TANGO6: variants seen among roughly 807,000 people sequenced by gnomAD.
The protein encoded by TANGO6 is transport and Golgi organization protein 6 homolog.
A neutral mutation model predicts 114.2 loss-of-function variants in TANGO6; 90 were observed. The ratio of observed to expected loss-of-function variants is 0.79; its 90% confidence interval spans 0.66 to 0.94. TANGO6 has a LOEUF of 0.94. TANGO6 is among the 40% of genes least tolerant of loss of function. TANGO6 has a pLI of 0.00. For missense variants in TANGO6, 1,274 were observed against 1,315.3 expected (o/e 0.97, Z 0.49); for synonymous variants, 477 against 509.8 (o/e 0.94, Z 0.87).
chr16:69,061,428 G>A (rs1201711790), intron 17 of TANGO6, among the ~76,000 whole-genome samples: 1 of 152,058 alleles, frequency 6.6e-6, no homozygotes, highest in Non-Finnish European at 1.5e-5. Flanking sequence ...GCGGGGTGTG[G>A]TGGCATGCAC....
At chr16:68,905,684 C>T (rs1322457690) in intron 9 of TANGO6, among the ~76,000 whole-genome samples, 2 of 152,074 alleles carry the variant, frequency 1.3e-5, no homozygotes, top group African/African-American at 4.8e-5. Flanking sequence ...CCAGCCTGGG[C>T]AATGTGGCAA....
At chr16:68,890,973 C>T (rs922207386) in intron 7 of TANGO6, among the ~76,000 whole-genome samples, 7 of 149,956 alleles carry the variant, frequency 4.7e-5, no homozygotes, top group African/African-American at 1.2e-4. Flanking sequence ...TGCAGGGAGC[C>T]GAGATTGCAC....
chr16:69,060,790 G>A (rs1960102954), intron 17 of TANGO6, among the ~76,000 whole-genome samples: 2 of 151,476 alleles, frequency 1.3e-5, no homozygotes, highest in Non-Finnish European at 2.9e-5. Flanking sequence ...TCACGAGATC[G>A]AGACCATCCT....
At chr16:68,857,712 C>G (rs1385640368) in intron 1 of TANGO6, among the ~76,000 whole-genome samples, 5 of 152,172 alleles carry the variant, frequency 3.3e-5, no homozygotes, top group African/African-American at 1.2e-4. Flanking sequence ...TTTGGCCATT[C>G]TAATAGGTAT....
At chr16:69,007,417 G>A (rs541413760) in intron 15 of TANGO6, among the ~76,000 whole-genome samples, 10 of 151,718 alleles carry the variant, frequency 6.6e-5, no homozygotes, top group Admixed American at 4.6e-4. Flanking sequence ...CTACAGGCAC[G>A]TGCCACCACA....
At chr16:68,960,544 C>T (rs1228262428) in intron 14 of TANGO6, among the ~76,000 whole-genome samples, 1 of 151,646 alleles carries the variant, frequency 6.6e-6, no homozygotes, top group East Asian at 1.9e-4. Flanking sequence ...GCTCTGTCAC[C>T]CAGGCTGGAG....
intron 15 of TANGO6, among the ~76,000 whole-genome samples, chr16:69,011,521 A>G (rs988101965): frequency 1.3e-4 from 20 of 151,414 alleles, no homozygotes; most frequent in Admixed American, 9.9e-4. Flanking sequence ...TGGCACAATC[A>G]TAGCTTACTG....
chr16:68,963,797 T>C (rs919797971), intron 14 of TANGO6, among the ~76,000 whole-genome samples: 4 of 152,236 alleles, frequency 2.6e-5, no homozygotes, highest in African/African-American at 9.6e-5. Flanking sequence ...CATACTGATA[T>C]ATTTTCCAAA....
At chr16:68,865,100 A>C (rs551289797) in intron 3 of TANGO6, among the ~76,000 whole-genome samples, 33 of 150,860 alleles carry the variant, frequency 2.2e-4, no homozygotes, top group African/African-American at 8.1e-4. Flanking sequence ...AGATGGTGAA[A>C]CCCTGTCTCT....
At chr16:69,039,526 C>G (rs1314622911) in intron 16 of TANGO6, among the ~76,000 whole-genome samples, 3 of 151,330 alleles carry the variant, frequency 2.0e-5, no homozygotes, top group Non-Finnish European at 2.9e-5. Flanking sequence ...GTCCTAGCTA[C>G]TTGGGAGGCT....
intron 4 of TANGO6, among the ~76,000 whole-genome samples, chr16:68,869,476 T>TCAAA (rs555689009): frequency 8.6e-4 from 131 of 152,284 alleles, no homozygotes; most frequent in Non-Finnish European, 1.6e-3. Flanking sequence ...ATATCCTGTG[T>TCAAA]CAAACAAACA....
At chr16:68,893,552 A>G (rs1364949784) in intron 7 of TANGO6, among the ~76,000 whole-genome samples, 1 of 152,052 alleles carries the variant, frequency 6.6e-6, no homozygotes, top group Non-Finnish European at 1.5e-5. Context: ...AGCCTGGCCA[A>G]CATGGTGAAA....
Position 68,951,867 on chromosome 16 carries a change from C to T in TANGO6, c.2701+21572C>T, listed in dbSNP as rs188599715. ...GACCTTGTGATCCACCCGCCTCGGC[C>T]TCCCAAAGTGCTGAGATTACAGGCG... On this transcript the variant is annotated intron_variant, in intron 14 of 17. Transcript: ENST00000261778. 1.8e-3 allele frequency among the ~76,000 whole-genome samples: 277 copies of T among 152,296 alleles called. 1 individual carries two copies. The highest frequency in any genetic ancestry group is 3.4e-3 in the Non-Finnish European group (232 of 68,024).
intron 14 of TANGO6, among the ~76,000 whole-genome samples, chr16:68,964,969 A>G (rs897298883): frequency 6.6e-6 from 1 of 152,124 alleles, no homozygotes; most frequent in Non-Finnish European, 1.5e-5. Flanking sequence ...CTTTTCTATT[A>G]CGAATAGTGC....
intron 17 of TANGO6, among the ~76,000 whole-genome samples, chr16:69,056,033 C>T (rs1191649564): frequency 6.6e-6 from 1 of 151,300 alleles, no homozygotes; most frequent in Non-Finnish European, 1.5e-5. Flanking sequence ...GAGCAAGACT[C>T]CATCTCAAAA....
intron 15 of TANGO6, among the ~76,000 whole-genome samples, chr16:68,981,686 G>T (rs916433810): frequency 6.6e-6 from 1 of 152,026 alleles, no homozygotes; most frequent in Non-Finnish European, 1.5e-5. Flanking sequence ...TTCCTTTTGC[G>T]ATTGCCTAGA....
chr16:68,878,312 C>T, intron 6 of TANGO6, 32 bp downstream of exon 6: 3 of 1,564,870 alleles, frequency 1.9e-6, no homozygotes, highest in South Asian at 1.2e-5. Context: ...CTGTGTGTGC[C>T]TCTAAAGGAC....
rs985602375 is a variant in TANGO6, at chr16:69,037,591, A to C, written c.2995-2717A>C. ...ACTAAGCCTGAAAGTGGAGGTAGCT[A>C]TTATATTGTTGCCTATTTGGAGGTT... On this transcript the variant is annotated intron_variant, in intron 16 of 17. Coordinates refer to ENST00000261778, the MANE Select transcript of TANGO6 (RefSeq NM_024562.2). Among the ~76,000 whole-genome samples, 3 of 152,122 alleles carry C rather than the reference A, an allele frequency of 2.0e-5. No individual in the cohort carries two copies. In the South Asian group the frequency reaches 6.2e-4, roughly 31 times the overall value.
intron 11 of TANGO6, among the ~76,000 whole-genome samples, chr16:68,915,166 T>C (rs1380638332): frequency 1.5e-5 from 2 of 130,944 alleles, no homozygotes; most frequent in Non-Finnish European, 3.2e-5. Context: ...AGAGCTAAAC[T>C]CTGTCTCAAA....
Sources: gnomAD v4.1 joint callset for allele counts (sites outside exome capture counted in the v4.1 genomes callset) on GRCh38, gnomAD v4.1.1 for gene constraint, MANE v1.5 for transcripts, NCBI Gene and HGNC (gene_info 2026-07-23, HGNC 2026-07-21) for gene names.